Variants in RBPMS observed in about 807,000 individuals in gnomAD.
The protein encoded by RBPMS is RNA binding protein, mRNA processing factor.
A neutral mutation model predicts 26.8 loss-of-function variants in RBPMS; 7 were observed. That is an observed-to-expected ratio of 0.26 (90% CI 0.15 to 0.49). RBPMS has a LOEUF of 0.49. Among genes scored for constraint, RBPMS ranks in the 20% least tolerant of loss-of-function variants. The pLI is 0.98. For synonymous variants in RBPMS, 96 were observed against 93.3 expected (o/e 1.03, Z -0.17); for missense variants, 186 against 250.0 (o/e 0.74, Z 1.73).
chr8:30,385,462 C>CCG, intron 1 of RBPMS: 1 of 275,418 alleles, frequency 3.6e-6, no homozygotes, highest in Non-Finnish European at 6.7e-6. Context: ...TGGGTGACCT[C>CCG]AGATAATCGG....
intron 1 of RBPMS, among the ~76,000 whole-genome samples, chr8:30,423,657 T>A (rs552660400): frequency 1.6e-4 from 20 of 123,912 alleles, no homozygotes; most frequent in African/African-American, 5.8e-4. Flanking sequence ...GGGTTGGGGG[T>A]GGGGAGGGGA....
intron 1 of RBPMS, among the ~76,000 whole-genome samples, chr8:30,449,557 T>TA (rs1448742166): frequency 6.6e-6 from 1 of 152,100 alleles, no homozygotes; most frequent in East Asian, 1.9e-4. Context: ...TTTTCATAGA[T>TA]ACAGGCTTTC....
chr8:30,477,332 A>G (rs758103976), intron 2 of RBPMS, among the ~76,000 whole-genome samples: 71 of 152,210 alleles, frequency 4.7e-4, no homozygotes, highest in Non-Finnish European at 8.1e-4. Context: ...TACAGGCGTG[A>G]GTCACCGCAC....
intron 5 of RBPMS, chr8:30,537,588 TAATG>T: frequency 2.2e-6 from 1 of 456,246 alleles, no homozygotes; most frequent in Non-Finnish European, 4.4e-6. Context: ...TAGGTGGAGC[TAATG>T]AACATGGAGA....
chr8:30,420,400 TATAAAC>T (rs1481126609), intron 1 of RBPMS, among the ~76,000 whole-genome samples: 3 of 152,210 alleles, frequency 2.0e-5, no homozygotes, highest in Non-Finnish European at 4.4e-5. Context: ...CAGCTGGACT[TATAAAC>T]ATACATAAAG....
chr8:30,439,348 G>A (rs1812818421), intron 1 of RBPMS, among the ~76,000 whole-genome samples: 1 of 152,200 alleles, frequency 6.6e-6, no homozygotes, highest in Non-Finnish European at 1.5e-5. Context: ...TTACAGGTGA[G>A]TGGGAAGTCA....
intron 4 of RBPMS, among the ~76,000 whole-genome samples, chr8:30,501,393 C>A (rs1030542766): frequency 5.9e-5 from 9 of 151,866 alleles, no homozygotes; most frequent in Admixed American, 3.3e-4. Flanking sequence ...GGCTCCCTGG[C>A]ATGAAACTGC....
intron 1 of RBPMS, among the ~76,000 whole-genome samples, chr8:30,461,132 A>T (rs1308631311): frequency 6.6e-6 from 1 of 152,052 alleles, no homozygotes; most frequent in Admixed American, 6.5e-5. Flanking sequence ...CCCTAACTAC[A>T]TAGCTTCTAC....
intron 5 of RBPMS, among the ~76,000 whole-genome samples, chr8:30,519,475 T>C (rs1219644921): frequency 0.015 from 355 of 23,266 alleles, 12 homozygotes; most frequent in African/African-American, 0.051. Flanking sequence ...TTTTTTTTTT[T>C]TTTTTTTTTT....
At chr8:30,502,057 T>C (rs1820610569) in intron 4 of RBPMS, among the ~76,000 whole-genome samples, 1 of 152,134 alleles carries the variant, frequency 6.6e-6, no homozygotes, top group South Asian at 2.1e-4. Context: ...CTGCTAAAGA[T>C]GTTAGAGGAA....
At chr8:30,529,483 CAA>C (rs1823967617) in intron 5 of RBPMS, among the ~76,000 whole-genome samples, 1 of 150,136 alleles carries the variant, frequency 6.7e-6, no homozygotes, top group African/African-American at 2.4e-5. Context: ...GCCTGAGCAA[CAA>C]GAGCAAAACT....
chr8:30,419,470 G>GTGTGTGTT (rs1810498969), intron 1 of RBPMS, among the ~76,000 whole-genome samples: 1 of 151,644 alleles, frequency 6.6e-6, no homozygotes, highest in South Asian at 2.1e-4. Flanking sequence ...GTGTGTGTGT[G>GTGTGTGTT]TGTGTGTGTG....
At chr8:30,538,223 G>A (rs145036542) in intron 5 of RBPMS, among the ~76,000 whole-genome samples, 6 of 152,234 alleles carry the variant, frequency 3.9e-5, no homozygotes, top group Non-Finnish European at 7.4e-5. Context: ...TTAGTGCTGG[G>A]TGGTGGAAAA....
intron 1 of RBPMS, among the ~76,000 whole-genome samples, chr8:30,456,902 C>T (rs1233987605): frequency 1.3e-5 from 2 of 152,272 alleles, no homozygotes; most frequent in East Asian, 1.9e-4. Flanking sequence ...GCCTGGAAGA[C>T]AGAGCGAGAC....
chr8:30,384,898 G>A lies in RBPMS; in HGVS notation c.-195G>A. 2.8e-6 allele frequency: 1 copy of A among 357,030 alleles called. No homozygotes were observed. Among genetic ancestry groups the A allele is most frequent in the Non-Finnish European group, 4.9e-6 (1 of 202,824 alleles). The allele number at this position is 357,030 out of a possible 1,614,324, so 22.1% of individuals were successfully genotyped here. ...ACTTCCTGAGTCGCCCGCCGCCGCC[G>A]TCGCAGACTCGCCGCGGGAGCCCCA... is the stretch of plus-strand genomic sequence containing the variant. On this transcript the variant is annotated 5_prime_UTR_variant, in exon 1 of 9. Coordinates refer to ENST00000397323, the MANE Select transcript of RBPMS (RefSeq NM_001008710.3). The surrounding 1 kb of genome is among the most constrained non-coding windows in gnomAD (Gnocchi z 5.6).
Position 30,571,643 on chromosome 8 carries a change from T to C in RBPMS, c.*1118T>C, listed in dbSNP as rs1435275391. On this transcript the variant is annotated 3_prime_UTR_variant, in exon 9 of 9. Coordinates refer to ENST00000397323, the MANE Select transcript of RBPMS (RefSeq NM_001008710.3). ...ACTGGGCCAAACCGACCACATACCATGAGCTCCCAAATGGCGTGTGCTCAC... is the reference window on the plus strand; with the variant it reads ...ACTGGGCCAAACCGACCACATACCACGAGCTCCCAAATGGCGTGTGCTCAC... The C allele has an allele frequency of 6.6e-6, 1 of 152,272 alleles. No homozygotes were observed. Among genetic ancestry groups the C allele is most frequent in the Non-Finnish European group, 1.5e-5 (1 of 68,058 alleles). The allele number at this position is 152,272 out of a possible 1,614,324, so 9.4% of individuals were successfully genotyped here. A position where few individuals can be genotyped will look rare whatever the true frequency, so the allele number is the denominator to read the frequency against.
intron 2 of RBPMS, among the ~76,000 whole-genome samples, chr8:30,477,505 C>A (rs1817826709): frequency 6.6e-6 from 1 of 151,822 alleles, no homozygotes; most frequent in Non-Finnish European, 1.5e-5. Flanking sequence ...AAAAAGATTG[C>A]TATTAACAGA....
chr8:30,407,849 G>T (rs375131455), intron 1 of RBPMS, among the ~76,000 whole-genome samples: 2 of 125,482 alleles, frequency 1.6e-5, no homozygotes, highest in East Asian at 4.7e-4. Context: ...AACCTGGTCA[G>T]TTAGTTCAAA....
chr8:30,415,356 T>G (rs1256581334), intron 1 of RBPMS, among the ~76,000 whole-genome samples: 1 of 152,188 alleles, frequency 6.6e-6, no homozygotes, highest in African/African-American at 2.4e-5. Flanking sequence ...TTTCCAGCCT[T>G]GTCTGCTTTT....
Sources: allele counts gnomAD v4.1 joint callset (sites outside exome capture counted in the v4.1 genomes callset), GRCh38; gene constraint gnomAD v4.1.1; non-coding constraint Gnocchi (gnomAD v3.1); transcripts MANE v1.5; gene names NCBI Gene and HGNC (gene_info 2026-07-23, HGNC 2026-07-21).